The following POM121 variants were observed in gnomAD, a reference collection of about 807,000 sequenced individuals.
POM121 encodes nuclear envelope pore membrane protein POM 121.
POM121 carries 32 observed loss-of-function variants against 81.3 expected under a neutral mutation model. The observed-to-expected ratio is 0.39, with a 90% CI of 0.30 to 0.53. The LOEUF (loss-of-function observed/expected upper bound fraction) is 0.53. Among genes scored for constraint, POM121 ranks in the 20% least tolerant of loss-of-function variants. The pLI is 0.66. For synonymous variants in POM121, 514 were observed against 694.2 expected (o/e 0.74, Z 4.08); for missense variants, 1,138 against 1,614.6 (o/e 0.70, Z 5.06).
chr7:72,917,823 G>C (rs1448920527), intron 4 of POM121, among the ~76,000 whole-genome samples: 1 of 152,216 alleles, frequency 6.6e-6, no homozygotes, highest in Non-Finnish European at 1.5e-5. Flanking sequence ...GAGACCGGTA[G>C]TGGCCCTGAA....
chr7:72,949,718 G>A, downstream of POM121: 1 of 734,560 alleles, frequency 1.4e-6, no homozygotes, highest in Non-Finnish European at 2.5e-6. Flanking sequence ...TTAGCTTGGG[G>A]CAAATACCGT....
downstream of POM121, chr7:72,950,385 A>G: frequency 1.6e-6 from 1 of 625,156 alleles, no homozygotes; most frequent in Non-Finnish European, 2.8e-6. Flanking sequence ...AGCCCCCTCT[A>G]CTGTTTACCA....
At chr7:72,903,622 G>C (rs1189409480) in intron 3 of POM121, among the ~76,000 whole-genome samples, 1 of 152,070 alleles carries the variant, frequency 6.6e-6, no homozygotes, top group Non-Finnish European at 1.5e-5. Flanking sequence ...TCTGCCATTA[G>C]CTTGTGTTCA....
At chr7:72,904,900 A>G (rs1339709140) in intron 3 of POM121, among the ~76,000 whole-genome samples, 3 of 152,176 alleles carry the variant, frequency 2.0e-5, no homozygotes, top group African/African-American at 4.8e-5. Flanking sequence ...GGAAACTGCC[A>G]CTTAAAAACC....
Position 72,946,758 on chromosome 7 carries a change from C to T in POM121, c.*524C>T, listed in dbSNP as rs1797725127. ...GTTTCCCCATTTCTTGCTGCTGTGTCCCTCACCAGTTCCTTGCAGGATTCC... is the reference window on the plus strand; with the variant it reads ...GTTTCCCCATTTCTTGCTGCTGTGTTCCTCACCAGTTCCTTGCAGGATTCC... On this transcript the variant is annotated 3_prime_UTR_variant, in exon 13 of 13. Coordinates refer to ENST00000434423, the MANE Select transcript of POM121 (RefSeq NM_001387691.1). 1 of 934,082 alleles carries T rather than the reference C, an allele frequency of 1.1e-6. No individual in the cohort carries two copies. The highest frequency in any genetic ancestry group is 1.3e-6 in the Non-Finnish European group (1 of 796,856). 57.9% of individuals were successfully genotyped at this position (934,082 alleles called of 1,614,324 possible).
rs190366589 is a variant in POM121, at chr7:72,934,344, C to T, written c.1275+4233C>T. Among the ~76,000 whole-genome samples, 333 of 152,304 alleles carry T rather than the reference C, an allele frequency of 2.2e-3. 2 individuals are homozygous for T. Among genetic ancestry groups the T allele is most frequent in the South Asian group, 7.3e-3 (35 of 4,826 alleles). On this transcript the variant is annotated intron_variant, in intron 5 of 12. Coordinates refer to ENST00000434423, the MANE Select transcript of POM121 (RefSeq NM_001387691.1). The stretch of plus-strand genomic sequence containing the variant: ...AGGTGATCCGTCCGCCTTGGCCTCC[C>T]GAAGTGCTGGGATTACAGGCGTGAG...
In POM121 at chr7:72,948,212, C is replaced by T. The variant is rs1407447272; in HGVS notation, c.*1978C>T. ...TCCATTACAAATAGAGACTTCATTC[C>T]TGTTGAGTCTAGTTGGAATTTTTAG... On this transcript the variant is annotated 3_prime_UTR_variant, in exon 13 of 13. Transcript: ENST00000434423. 8 of 1,445,190 alleles carry T rather than the reference C, an allele frequency of 5.5e-6. No homozygotes were observed. The highest frequency in any genetic ancestry group is 1.5e-5 in the South Asian group (1 of 67,250). The allele number at this position is 1,445,190 out of a possible 1,614,324, so 89.5% of individuals were successfully genotyped here. A position where few individuals can be genotyped will look rare whatever the true frequency, so the allele number is the denominator to read the frequency against.
chr7:72,918,009 T>C (rs1794452793), intron 4 of POM121, among the ~76,000 whole-genome samples: 1 of 152,174 alleles, frequency 6.6e-6, no homozygotes, highest in Admixed American at 6.5e-5. Flanking sequence ...AAAGATAGCT[T>C]ACGCCATTAT....
upstream of POM121, among the ~76,000 whole-genome samples, chr7:72,920,439 C>G (rs1296168226): frequency 6.6e-6 from 1 of 150,768 alleles, no homozygotes; most frequent in East Asian, 1.9e-4. Context: ...AGCTCCACCT[C>G]CTGGGTTCAC....
chr7:72,920,172 T>TA (rs750904284), upstream of POM121, among the ~76,000 whole-genome samples: 3 of 152,160 alleles, frequency 2.0e-5, no homozygotes, highest in Non-Finnish European at 4.4e-5. Context: ...AAATTAATGT[T>TA]AATGTCTTTC....
chr7:72,911,070 T>C (rs1224051634), intron 3 of POM121, among the ~76,000 whole-genome samples: 2 of 152,244 alleles, frequency 1.3e-5, no homozygotes, highest in Admixed American at 1.3e-4. Context: ...CACTGCATTC[T>C]CCACCTCCTG....
At position 72,943,355 on chromosome 7, in the gene POM121, G is replaced by C. The variant is rs781788828; in HGVS notation, c.3362G>C (p.Ser1121Thr). Residue 1121 changes from serine (S) to threonine (T), a missense_variant, in exon 11 of 13, where the codon AGC (serine) becomes ACC (threonine). Coordinates refer to ENST00000434423, the MANE Select transcript of POM121 (RefSeq NM_001387691.1). ...ATCAATGTGGCCACCCCAGGCTCCA[G>C]CACCACCACCGGAGCTTTCAGCTTT... Reference protein sequence around the residue: ...FGINVATPGSSTTTGAFSFGA... With the variant: ...FGINVATPGSTTTTGAFSFGA... 1.2e-6 allele frequency: 2 copies of C among 1,612,836 alleles called. No individual in the cohort carries two copies. Among genetic ancestry groups the C allele is most frequent in the Admixed American group, 1.7e-5 (1 of 59,944 alleles).
intron 4 of POM121, among the ~76,000 whole-genome samples, chr7:72,917,809 C>T (rs180876000): frequency 1.3e-4 from 20 of 152,290 alleles, no homozygotes; most frequent in African/African-American, 4.6e-4. Context: ...ACCACCAATG[C>T]GCAGAGACCG....
chr7:72,908,236 G>A (rs1793462768), intron 3 of POM121, among the ~76,000 whole-genome samples: 1 of 152,198 alleles, frequency 6.6e-6, no homozygotes, highest in Non-Finnish European at 1.5e-5. Flanking sequence ...GAAATAAAGG[G>A]AAAGAGTACA....
At chr7:72,879,688 C>G (rs1162947179) in exon 1 of POM121, 49 of 432,010 alleles carry the variant, frequency 1.1e-4, no homozygotes, top group South Asian at 7.9e-4. Flanking sequence ...ACGGTGAGCC[C>G]CAGGGAGGCG....
intron 3 of POM121, among the ~76,000 whole-genome samples, chr7:72,898,979 C>CA (rs1283568766): frequency 2.9e-5 from 1 of 34,096 alleles, no homozygotes; most frequent in Admixed American, 4.5e-4. Context: ...CTTTTCTTTT[C>CA]TTTTTTTTTT....
chr7:72,937,219 C>CA (rs1796597009), intron 5 of POM121, among the ~76,000 whole-genome samples: 1 of 151,018 alleles, frequency 6.6e-6, no homozygotes, highest in Non-Finnish European at 1.5e-5. Context: ...CGCGCCACTG[C>CA]ACTCCAGCCT....
At chr7:72,921,197 A>G (rs1383632350), upstream of POM121, among the ~76,000 whole-genome samples, 7 of 152,196 alleles carry the variant, frequency 4.6e-5, no homozygotes, top group Non-Finnish European at 1.0e-4. Context: ...AATAAAAATC[A>G]GTAAATAAAT....
chr7:72,923,566 G>A (rs1355042335), upstream of POM121, among the ~76,000 whole-genome samples: 1 of 150,138 alleles, frequency 6.7e-6, no homozygotes, highest in Non-Finnish European at 1.5e-5. Context: ...GGGACTACAG[G>A]CAGGCGCCAC....
Sources: gnomAD v4.1 joint callset for allele counts (sites outside exome capture counted in the v4.1 genomes callset) on GRCh38, gnomAD v4.1.1 for gene constraint, MANE v1.5 for transcripts, NCBI Gene and HGNC (gene_info 2026-07-23, HGNC 2026-07-21) for gene names.